Variants in ODAM observed in about 807,000 individuals in gnomAD.
ODAM encodes the protein odontogenic, ameloblast associated.
Under a neutral mutation model 48.5 loss-of-function variants are expected in ODAM, and 55 were observed. The observed-to-expected ratio is 1.13, with a 90% CI of 0.91 to 1.42. ODAM has a LOEUF of 1.42. ODAM is among the 40% of genes most tolerant of loss of function. ODAM has a pLI of 0.00. For missense variants in ODAM, 353 were observed against 323.6 expected (o/e 1.09, Z -0.70); for synonymous variants, 127 against 107.8 (o/e 1.18, Z -1.10).
chr4:70,198,288 A>G (rs1274497541), intron 5 of ODAM, 131 bp downstream of exon 5: 1 of 759,360 alleles, frequency 1.3e-6, no homozygotes, highest in Non-Finnish European at 2.1e-6. Context: ...TGTTTCTACC[A>G]TCGCTGTAAG....
Position 70,202,818 on chromosome 4 carries a change from A to T in ODAM, c.711A>T (p.Ala237=). ...KEAINFRHDS[A]GVFMPSTSPK... is the part of the protein sequence containing the mutation. ...CGATCAACTTTAGACATGACAGTGC[A>T]GGAGTTTTCATGCCCTCAACTTCAC... The change falls in exon 10 of 12, where the codon GCA becomes GCT. Residue 237 remains alanine, a synonymous_variant. Transcript: ENST00000683306. 6.2e-7 allele frequency: 1 copy of T among 1,612,108 alleles called. No individual in the cohort carries two copies.
rs1243801320 is a variant in ODAM, at chr4:70,200,227, A to G, written c.424-270A>G. On this transcript the variant is annotated intron_variant, in intron 6 of 11. Coordinates refer to ENST00000683306, the MANE Select transcript of ODAM (RefSeq NM_017855.4). ...TATAAAGTTTCTAAGATGTCCTTTG[A>G]AAAAAAAAAAAAGCTCTTCTGCTTA... is the stretch of plus-strand genomic sequence containing the variant. 14 of 20,822 alleles carry G rather than the reference A, an allele frequency of 6.7e-4. No individual in the cohort carries two copies. The East Asian group carries it at 6.8e-3, about 10-fold the overall frequency. The allele number at this position is 20,822 out of a possible 1,614,324, so 1.3% of individuals were successfully genotyped here.
intron 6 of ODAM, among the ~76,000 whole-genome samples, chr4:70,199,299 A>G (rs1399443900): frequency 6.6e-6 from 1 of 152,042 alleles, no homozygotes; most frequent in African/African-American, 2.4e-5. Flanking sequence ...TACTCATCAC[A>G]GAATATTGGC....
chr4:70,197,373 T>G (rs1300564694), intron 4 of ODAM, 52 bp downstream of exon 4: 1 of 953,414 alleles, frequency 1.0e-6, no homozygotes, highest in Non-Finnish European at 1.7e-6. Flanking sequence ...TATTGCTCAT[T>G]TATGTTATTT....
intron 10 of ODAM, 114 bp downstream of exon 10, chr4:70,203,031 A>T: frequency 7.7e-7 from 1 of 1,302,602 alleles, no homozygotes; most frequent in Non-Finnish European, 1.1e-6. Context: ...AAGATAACTA[A>T]TGAAAAATAT....
Position 70,202,934 on chromosome 4 carries a change from T to C in ODAM, c.810+17T>C. On this transcript the variant is annotated intron_variant, in intron 10 of 11. Transcript: ENST00000683306. ...GAAGAGAAGGTAGAGTCATGAAAAC[T>C]TCACTTTATGCAAAAAAATTGTCTA... The C allele has an allele frequency of 2.5e-6, 4 of 1,588,694 alleles. No individual in the cohort carries two copies. The highest frequency in any genetic ancestry group is 3.4e-6 in the Non-Finnish European group (4 of 1,170,604).
intron 6 of ODAM, among the ~76,000 whole-genome samples, 171 bp from the exon 7 acceptor site, chr4:70,200,326 A>C (rs1397699914): frequency 2.0e-5 from 3 of 151,850 alleles, no homozygotes; most frequent in African/African-American, 7.2e-5. Flanking sequence ...CCTGGGATAC[A>C]AGTTGTTTCC....
At chr4:70,202,471 T>C in intron 9 of ODAM, 142 bp downstream of exon 9, 1 of 761,494 alleles carries the variant, frequency 1.3e-6, no homozygotes, top group East Asian at 2.7e-5. Context: ...ATTTTGCCAG[T>C]AAAGATTCAG....
intron 6 of ODAM, chr4:70,200,143 A>C (rs1410616147): frequency 2.2e-6 from 1 of 447,616 alleles, no homozygotes. Context: ...ATTCTCAAAA[A>C]TATAGGGTAA....
rs1729344316 is a variant in ODAM, at chr4:70,195,850, C to T, written c.-16+57C>T. 4.4e-6 allele frequency: 3 copies of T among 688,814 alleles called. No individual in the cohort carries two copies. In the African/African-American group the frequency reaches 5.9e-5, roughly 13 times the overall value. 42.7% of individuals were successfully genotyped at this position (688,814 alleles called of 1,614,324 possible). Reference sequence around the variant, plus strand: ...GAAGAACCAAAATCAGTGAAATCTGCAGGATAGACTATCAAGTTCACCCTA... The same window carrying T: ...GAAGAACCAAAATCAGTGAAATCTGTAGGATAGACTATCAAGTTCACCCTA... On this transcript the variant is annotated intron_variant, in intron 1 of 11. Transcript: ENST00000683306.
chr4:70,196,336 C>T (rs1054496211), intron 1 of ODAM, among the ~76,000 whole-genome samples, 193 bp from the exon 2 acceptor site: 2 of 151,958 alleles, frequency 1.3e-5, no homozygotes, highest in African/African-American at 4.8e-5. Context: ...TTTTTATAAA[C>T]AGCTTGTCTG....
At chr4:70,203,560 C>T (rs942331390) in intron 11 of ODAM, among the ~76,000 whole-genome samples, 1 of 151,494 alleles carries the variant, frequency 6.6e-6, no homozygotes, top group African/African-American at 2.4e-5. Flanking sequence ...GTAATAATTC[C>T]AATATATCTG....
rs1028412103 is a variant in ODAM, at chr4:70,197,646, G to A, written c.142-278G>A. 5.6e-6 allele frequency: 3 copies of A among 539,948 alleles called. No individual in the cohort carries two copies. The African/African-American group carries it at 5.8e-5, about 10-fold the overall frequency. The allele number at this position is 539,948 out of a possible 1,614,324, so 33.4% of individuals were successfully genotyped here. ...TTGGCAGGTTTAGGGTTAAGGTAGG[G>A]GAAAATACAGACGGTTTAAAACCAG... On this transcript the variant is annotated intron_variant, in intron 4 of 11. Coordinates refer to ENST00000683306, the MANE Select transcript of ODAM (RefSeq NM_017855.4).
Position 70,196,695 on chromosome 4 carries a change from A to C in ODAM, c.55A>C (p.Ile19Leu), listed in dbSNP as rs1560482456. 1 of 1,607,922 alleles carries C rather than the reference A, an allele frequency of 6.2e-7. No homozygotes were observed. ...FLGATLSAPL[I>L]PQRLMSASNS... is the part of the protein sequence containing the mutation. ...TTTTTTTCATTTTTACTTTTAGCTT[A>C]TCCCACAGCGTCTCATGTCTGCCAG... The change falls in exon 3 of 12, where the codon ATC (isoleucine) becomes CTC (leucine). Residue 19 changes from isoleucine to leucine, a missense_variant. Physicochemically the swap from Ile to Leu is conservative, Grantham distance 5 (BLOSUM62 2). Coordinates refer to ENST00000683306, the MANE Select transcript of ODAM (RefSeq NM_017855.4).
rs952331524 is a variant in ODAM, at chr4:70,196,443, T to C, written c.-15-86T>C. 7.3e-6 allele frequency: 5 copies of C among 682,338 alleles called. No homozygotes were observed. In the African/African-American group the frequency reaches 9.1e-5, roughly 12 times the overall value. 42.3% of individuals were successfully genotyped at this position (682,338 alleles called of 1,614,324 possible). A position where few individuals can be genotyped will look rare whatever the true frequency, so the allele number is the denominator to read the frequency against. On this transcript the variant is annotated intron_variant, in intron 1 of 11. Coordinates refer to ENST00000683306, the MANE Select transcript of ODAM (RefSeq NM_017855.4). ...AAATACTATAGAATTCACCCAGCTATTCCTTTGATTGAACAATACTAATTA... is the reference window on the plus strand; with the variant it reads ...AAATACTATAGAATTCACCCAGCTACTCCTTTGATTGAACAATACTAATTA...
chr4:70,200,229 A>G, intron 6 of ODAM: 3 of 358,798 alleles, frequency 8.4e-6, no homozygotes, highest in South Asian at 6.0e-5. Context: ...GTCCTTTGAA[A>G]AAAAAAAAAA....
chr4:70,198,177 T>G lies in ODAM; in HGVS notation c.375+20T>G, dbSNP rs1355909415. ...AGTCACGTAAGTCAGGCCTCTTTCATTTTGTTCTGAGGAGAGAGAACTGCA... is the reference window on the plus strand; with the variant it reads ...AGTCACGTAAGTCAGGCCTCTTTCAGTTTGTTCTGAGGAGAGAGAACTGCA... On this transcript the variant is annotated intron_variant, in intron 5 of 11. Coordinates refer to ENST00000683306, the MANE Select transcript of ODAM (RefSeq NM_017855.4). The G allele has an allele frequency of 1.3e-6, 2 of 1,598,200 alleles. No homozygotes were observed. Among genetic ancestry groups the G allele is most frequent in the Non-Finnish European group, 1.7e-6 (2 of 1,168,144 alleles).
intron 4 of ODAM, 157 bp from the exon 5 acceptor site, chr4:70,197,767 G>T (rs1042151259): frequency 3.2e-5 from 20 of 634,080 alleles, no homozygotes; most frequent in Admixed American, 5.9e-5. Context: ...CGTATTATTT[G>T]CTTGGTTCAA....
intron 8 of ODAM, among the ~76,000 whole-genome samples, chr4:70,201,923 G>A (rs886475877): frequency 6.6e-5 from 10 of 151,794 alleles, no homozygotes; most frequent in African/African-American, 2.2e-4. Flanking sequence ...TGGTATTTTC[G>A]TAACTTGTAT....
Sources: gnomAD v4.1 joint callset for allele counts (sites outside exome capture counted in the v4.1 genomes callset) on GRCh38, gnomAD v4.1.1 for gene constraint, MANE v1.5 for transcripts, NCBI Gene and HGNC (gene_info 2026-07-23, HGNC 2026-07-21) for gene names.